The following LRRC45 variants were observed in gnomAD, a reference collection of about 807,000 sequenced individuals.
The protein encoded by LRRC45 is leucine rich repeat containing 45, also known as leucine-rich repeat-containing protein 45.
In LRRC45, 73 loss-of-function variants were observed where a neutral mutation model predicts 85.4. The ratio of observed to expected loss-of-function variants is 0.85; its 90% CI spans 0.71 to 1.04. The LOEUF (loss-of-function observed/expected upper bound fraction) is 1.04. LRRC45 is among the 50% of genes least tolerant of loss of function. The probability of loss-of-function intolerance (pLI) is 0.00; values close to 1 mark genes in which losing one functional copy is unlikely to be tolerated. For synonymous variants in LRRC45, 429 were observed against 386.0 expected, an observed-to-expected ratio of 1.11 and a Z score of -1.31; for missense variants, 937 against 883.3, an observed-to-expected ratio of 1.06 and a Z score of -0.77.
Position 82,024,779 on chromosome 17 carries a change from G to C in LRRC45, c.353+16G>C, listed in dbSNP as rs777498370. 3.2e-6 allele frequency: 5 copies of C among 1,570,086 alleles called. No homozygotes were observed. Among genetic ancestry groups the C allele is most frequent in the East Asian group, 2.3e-5 (1 of 44,090 alleles). On this transcript the variant is annotated intron_variant, in intron 3 of 16. Transcript: ENST00000306688. ...CCATTCAGAGGTGGGTGGTGGTCCC[G>C]ACCCCAGGCCCTGTCTCTGTGTGGT...
At chr17:82,030,296 T>TC (rs1427101447) in intron 15 of LRRC45, 23 bp from the exon 16 acceptor site, 1 of 1,545,504 alleles carries the variant, frequency 6.5e-7, no homozygotes, top group Non-Finnish European at 8.7e-7. Context: ...CTCGCCTCAC[T>TC]CCCCAGCCTT....
chr17:82,027,621 T>G, intron 7 of LRRC45, 53 bp from the exon 8 acceptor site: 1 of 1,572,342 alleles, frequency 6.4e-7, no homozygotes, highest in Non-Finnish European at 8.7e-7. Flanking sequence ...CAGAGGGGTA[T>G]GGGAGCGCTC....
At chr17:82,026,562 CTT>C (rs1491433234) in intron 5 of LRRC45, among the ~76,000 whole-genome samples, 7 of 54,550 alleles carry the variant, frequency 1.3e-4, no homozygotes, top group African/African-American at 6.6e-4. Context: ...GACACAGCTC[CTT>C]TGTGTGTGTG....
chr17:82,027,249 G>A, intron 6 of LRRC45, 137 bp from the exon 7 acceptor site: 2 of 1,135,532 alleles, frequency 1.8e-6, no homozygotes, highest in East Asian at 2.4e-5. Context: ...CCCTTCCTGT[G>A]AAGGAGACAG....
intron 6 of LRRC45, 46 bp from the exon 7 acceptor site, chr17:82,027,340 C>T: frequency 1.4e-5 from 22 of 1,607,654 alleles, no homozygotes; most frequent in Non-Finnish European, 1.8e-5. Flanking sequence ...GTCAGGTGGA[C>T]AGGCTGCAGG....
intron 5 of LRRC45, 178 bp from the exon 6 acceptor site, chr17:82,026,721 G>T: frequency 2.1e-6 from 1 of 473,062 alleles, no homozygotes. Context: ...TGGGATTACA[G>T]GTGTGCGCTA....
chr17:82,025,997 G>A (rs1322682086), intron 5 of LRRC45, among the ~76,000 whole-genome samples: 1 of 152,168 alleles, frequency 6.6e-6, no homozygotes, highest in Non-Finnish European at 1.5e-5. Flanking sequence ...TCAGGCCCCA[G>A]TGCCCCAGAC....
At chr17:82,029,024 G>A (rs1370019699) in intron 12 of LRRC45, 69 bp from the exon 13 acceptor site, 1 of 1,402,834 alleles carries the variant, frequency 7.1e-7, no homozygotes, top group African/African-American at 1.4e-5. Context: ...TTCAGGGTGG[G>A]GAGTCCGTGA....
At chr17:82,025,652 G>T in intron 5 of LRRC45, 145 bp downstream of exon 5, 2 of 1,090,420 alleles carry the variant, frequency 1.8e-6, no homozygotes, top group Non-Finnish European at 1.2e-6. Flanking sequence ...GAGGGGTCGT[G>T]GGGCACCTGT....
chr17:82,025,854 GAAGGC>G (rs777313730), intron 5 of LRRC45, among the ~76,000 whole-genome samples: 103 of 152,324 alleles, frequency 6.8e-4, no homozygotes, highest in Non-Finnish European at 1.0e-3. Flanking sequence ...CCTTGGCCAG[GAAGGC>G]TCCCTGGTCA....
chr17:82,030,369 C>T lies in LRRC45; in HGVS notation c.1719C>T (p.Arg573=). 1.3e-6 allele frequency: 2 copies of T among 1,549,890 alleles called. No homozygotes were observed. Among genetic ancestry groups the T allele is most frequent in the Admixed American group, 2.0e-5 (1 of 51,038 alleles). Residue 573 remains arginine (R), a synonymous_variant, in exon 16 of 17, where the codon CGC becomes CGT. Coordinates refer to ENST00000306688, the MANE Select transcript of LRRC45 (RefSeq NM_144999.4). ...QERVAEVSRV[R]VELQEQNGRL... Reference sequence around the variant, plus strand: ...GGGTGGCCGAGGTGAGCAGGGTGCGCGTGGAGCTGCAGGAGCAGAACGGCC... The same window carrying T: ...GGGTGGCCGAGGTGAGCAGGGTGCGTGTGGAGCTGCAGGAGCAGAACGGCC...
Position 82,030,138 on chromosome 17 carries a change from G to A in LRRC45, c.1568G>A (p.Cys523Tyr), listed in dbSNP as rs1304254537. ...AQARDEAQGA[C>Y]LQQKQVVAEA... Reference sequence around the variant, plus strand: ...GCACGGGACGAGGCGCAGGGCGCTTGCCTACAGCAGAAGCAGGTGGTGGCC... The same window carrying A: ...GCACGGGACGAGGCGCAGGGCGCTTACCTACAGCAGAAGCAGGTGGTGGCC... Residue 523 changes from cysteine to tyrosine, a missense_variant, in exon 15 of 17, where the codon TGC (cysteine) becomes TAC (tyrosine). Coordinates refer to ENST00000306688, the MANE Select transcript of LRRC45 (RefSeq NM_144999.4). 6.5e-7 allele frequency: 1 copy of A among 1,548,052 alleles called. No individual in the cohort carries two copies. Among genetic ancestry groups the A allele is most frequent in the African/African-American group, 1.4e-5 (1 of 73,154 alleles).
Position 82,024,054 on chromosome 17 carries a change from C to T in LRRC45, c.220+191C>T, listed in dbSNP as rs958830863. 2.7e-5 allele frequency: 19 copies of T among 712,888 alleles called. No individual in the cohort carries two copies. The East Asian group carries it at 5.2e-4, about 19-fold the overall frequency. The allele number at this position is 712,888 out of a possible 1,614,324, so 44.2% of individuals were successfully genotyped here. ...ATGACGGGGGAGAGGCCTTAACATT[C>T]GCGGTCTTACCTGGTTCCCCGCGTG... On this transcript the variant is annotated intron_variant, in intron 1 of 16. Transcript: ENST00000306688.
chr17:82,029,710 G>A (rs1308205664), intron 14 of LRRC45, 75 bp downstream of exon 14: 1 of 1,412,808 alleles, frequency 7.1e-7, no homozygotes, highest in Non-Finnish European at 9.8e-7. Flanking sequence ...AGACTCCAGA[G>A]CTTCGGTCTG....
At position 82,023,309 on chromosome 17, in the gene LRRC45, T is replaced by A. The variant is rs1029594724; in HGVS notation, c.-335T>A. The A allele has an allele frequency of 1.3e-5, 6 of 452,642 alleles. No individual in the cohort carries two copies. Among genetic ancestry groups the A allele is most frequent in the African/African-American group, 2.1e-5 (1 of 47,970 alleles). 28.0% of individuals were successfully genotyped at this position (452,642 alleles called of 1,614,324 possible). On this transcript the variant is annotated 5_prime_UTR_variant, in exon 1 of 17. Coordinates refer to ENST00000306688, the MANE Select transcript of LRRC45 (RefSeq NM_144999.4). The stretch of plus-strand genomic sequence containing the variant: ...CGGCCTCTCCCGGCGCGCCTTGTTC[T>A]TCCTGGATACTGAGGCCCCGACGCG...
intron 4 of LRRC45, 69 bp downstream of exon 4, chr17:82,025,247 G>C (rs1274945874): frequency 5.9e-6 from 9 of 1,535,322 alleles, no homozygotes; most frequent in African/African-American, 1.4e-5. Flanking sequence ...GGAAGTGAGG[G>C]GCTAGGGGAC....
At position 82,028,186 on chromosome 17, in the gene LRRC45, C is replaced by T. The variant is rs61360272; in HGVS notation, c.1047+40C>T. ...CTTGAGAGGGGTGGGCCAAGGGGTG[C>T]GTGGCGGCTTCGTGACCCTCACTAC... On this transcript the variant is annotated intron_variant, in intron 9 of 16. Coordinates refer to ENST00000306688, the MANE Select transcript of LRRC45 (RefSeq NM_144999.4). 4,480 of 1,559,810 alleles carry T rather than the reference C, an allele frequency of 2.9e-3. 119 individuals carry two copies. In the African/African-American group the frequency reaches 0.055, roughly 19 times the overall value.
intron 13 of LRRC45, 91 bp downstream of exon 13, chr17:82,029,276 A>T (rs1482795404): frequency 8.6e-6 from 11 of 1,275,790 alleles, no homozygotes; most frequent in Non-Finnish European, 1.2e-5. Flanking sequence ...AGGACCAGAG[A>T]CCTCTTCCTG....
intron 5 of LRRC45, among the ~76,000 whole-genome samples, chr17:82,026,564 T>TTGTGTGTGTGTGTG (rs550616399): frequency 0.027 from 3,712 of 137,474 alleles, 73 homozygotes; most frequent in East Asian, 0.035. Flanking sequence ...CACAGCTCCT[T>TTGTGTGTGTGTGTG]TGTGTGTGTG....
Sources: gnomAD v4.1 joint callset for allele counts (sites outside exome capture counted in the v4.1 genomes callset) on GRCh38, gnomAD v4.1.1 for gene constraint, MANE v1.5 for transcripts, NCBI Gene and HGNC (gene_info 2026-07-23, HGNC 2026-07-21) for gene names.